TEX11: variants seen among roughly 807,000 people sequenced by gnomAD.
The protein encoded by TEX11 is testis-expressed protein 11.
In TEX11, 7 loss-of-function variants were observed where a neutral mutation model predicts 84.4. That is an observed-to-expected ratio of 0.08 (90% CI 0.05 to 0.16). The LOEUF is 0.16. TEX11 is among the 10% of genes least tolerant of loss of function. TEX11 has a pLI of 1.00. For missense variants in TEX11, 551 were observed against 660.5 expected (o/e 0.83, Z 1.82); for synonymous variants, 264 against 222.8 (o/e 1.18, Z -1.64).
chrX:70,781,823 G>C (rs1409757853), intron 9 of TEX11, among the ~76,000 whole-genome samples: 3 of 111,546 alleles, frequency 2.7e-5, no homozygotes, highest in Non-Finnish European at 1.9e-5. Flanking sequence ...CATGTGAAAA[G>C]ACCAAATCTA....
At chrX:70,521,365 G>A in the TEX11 span, among the ~76,000 whole-genome samples, 5 of 109,571 alleles carry the variant, frequency 4.6e-5, no homozygotes, top group East Asian at 2.9e-4. Context: ...TGCAACTTCC[G>A]TATCCCATGT....
At chrX:70,835,823 C>T (rs765177023) in intron 7 of TEX11, among the ~76,000 whole-genome samples, 1 of 111,830 alleles carries the variant, frequency 8.9e-6, no homozygotes, top group African/African-American at 3.2e-5. Flanking sequence ...ATCAAAACTA[C>T]CATCAGGGCT....
chrX:70,519,540 T>G, the TEX11 span, among the ~76,000 whole-genome samples: 1 of 112,020 alleles, frequency 8.9e-6, no homozygotes, highest in South Asian at 3.8e-4. Flanking sequence ...CTGGCTGCCC[T>G]TAACATTGTT....
rs749450786 is a variant in TEX11 at position 70,569,548 on chromosome X, T to C, written c.2141-14748A>G. 9.0e-5 allele frequency among the ~76,000 whole-genome samples: 10 copies of C among 111,412 alleles called. No individual in the cohort carries two copies. In the East Asian group the frequency reaches 2.2e-3, roughly 25 times the overall value. ...CCATCTTTGTGGTTTTATCTACTTT[T>C]GGTCTTTGATGATGGTGATGTACAG... On this transcript the variant is annotated intron_variant, in intron 25 of 29. Coordinates refer to ENST00000374333, the MANE Select transcript of TEX11 (RefSeq NM_031276.3).
At chrX:70,901,630 T>C (rs1355173354) in intron 2 of TEX11, among the ~76,000 whole-genome samples, 1 of 112,098 alleles carries the variant, frequency 8.9e-6, no homozygotes, top group Non-Finnish European at 1.9e-5. Context: ...CTAATGCCAC[T>C]GGCCACTGAT....
intron 13 of TEX11, among the ~76,000 whole-genome samples, chrX:70,702,878 A>T (rs1224186994): frequency 1.8e-5 from 2 of 111,706 alleles, no homozygotes; most frequent in Non-Finnish European, 3.8e-5. Context: ...AGAAAGGGGA[A>T]GATATTTGCA....
chrX:70,812,351 C>A (rs891892572), intron 8 of TEX11, among the ~76,000 whole-genome samples: 1 of 110,041 alleles, frequency 9.1e-6, no homozygotes, highest in Non-Finnish European at 1.9e-5. Context: ...GGACTACAGG[C>A]GCACCCACCA....
chrX:70,863,455 A>G (rs953654154), intron 4 of TEX11, among the ~76,000 whole-genome samples: 4 of 111,954 alleles, frequency 3.6e-5, no homozygotes, highest in Non-Finnish European at 7.5e-5. Context: ...GACCTCCAGC[A>G]AACTGCAGCA....
chrX:70,766,809 C>T (rs2090943724), intron 9 of TEX11, among the ~76,000 whole-genome samples: 1 of 111,244 alleles, frequency 9.0e-6, no homozygotes, highest in Non-Finnish European at 1.9e-5. Context: ...AATAGAGATC[C>T]CAGAAACAAA....
intron 13 of TEX11, among the ~76,000 whole-genome samples, chrX:70,714,369 T>C (rs1326014886): frequency 1.8e-5 from 2 of 111,372 alleles, no homozygotes; most frequent in Non-Finnish European, 3.8e-5. Flanking sequence ...GTCGTGTTGA[T>C]CTGTCTAATG....
intron 2 of TEX11, among the ~76,000 whole-genome samples, chrX:70,907,297 T>TA (rs1390622254): frequency 8.9e-6 from 1 of 111,932 alleles, no homozygotes; most frequent in East Asian, 2.8e-4. Flanking sequence ...CACTAGTTCA[T>TA]AAAAAGGTTC....
chrX:70,616,740 GGAGGTCATTATGTTAAATGA>G (rs1468188361), intron 20 of TEX11, among the ~76,000 whole-genome samples: 1 of 111,919 alleles, frequency 8.9e-6, no homozygotes, highest in African/African-American at 3.2e-5. Flanking sequence ...GGATGGAACT[GGAGGTCATTATGTTAAATGA>G]AATAAGCCAG....
intron 7 of TEX11, among the ~76,000 whole-genome samples, chrX:70,834,392 C>A (rs1323237957): frequency 9.1e-6 from 1 of 110,476 alleles, no homozygotes; most frequent in East Asian, 2.8e-4. Context: ...TGTCTGAACA[C>A]CCCCAAATGA....
At chrX:70,867,408 TGGATA>T (rs887686292) in intron 4 of TEX11, among the ~76,000 whole-genome samples, 2 of 111,766 alleles carry the variant, frequency 1.8e-5, no homozygotes, top group Non-Finnish European at 3.8e-5. Context: ...TCCATGCTCA[TGGATA>T]GGAAAGATTA....
intron 3 of TEX11, among the ~76,000 whole-genome samples, chrX:70,874,380 T>TCAAATGATG (rs1317986154): frequency 9.8e-6 from 1 of 102,213 alleles, no homozygotes; most frequent in Admixed American, 1.1e-4. Context: ...CCACAGTTGA[T>TCAAATGATG]CAAATGATGA....
chrX:70,891,040 G>A (rs2091735367), intron 2 of TEX11, among the ~76,000 whole-genome samples: 1 of 112,223 alleles, frequency 8.9e-6, no homozygotes. Context: ...TTGCTGTTCT[G>A]CAATACTTGC....
At chrX:70,524,593 G>A (rs183369582), downstream of TEX11, among the ~76,000 whole-genome samples, 16 of 112,718 alleles carry the variant, frequency 1.4e-4, no homozygotes, top group Non-Finnish European at 1.5e-4. Context: ...TTGAGATGGA[G>A]TTTCGCTCGT....
chrX:70,605,439 G>A lies in TEX11; in HGVS notation c.2029C>T (p.Leu677=), dbSNP rs2089185199. The A allele has an allele frequency of 1.7e-6, 2 of 1,209,178 alleles. No homozygotes were observed. The highest frequency in any genetic ancestry group is 3.0e-5 in the East Asian group (1 of 33,747). Residue 677 remains leucine, a synonymous_variant, in exon 24 of 30, where the codon CTA becomes TTA. Transcript: ENST00000374333. The stretch of plus-strand genomic sequence containing the variant: ...GTTGAAGCTTTTCTCCCTTGCTCTA[G>A]ATCAACTGCAACTGCCATAAGTAAA... ...TCLLMAVAVD[L]EQGRKASTAF...
intron 27 of TEX11, among the ~76,000 whole-genome samples, chrX:70,552,453 T>C (rs2088228627): frequency 8.9e-6 from 1 of 111,991 alleles, no homozygotes; most frequent in African/African-American, 3.3e-5. Context: ...TTCATGCCTA[T>C]GGTTGTCTTT....
Sources: gnomAD v4.1 joint callset for allele counts (sites outside exome capture counted in the v4.1 genomes callset) on GRCh38, gnomAD v4.1.1 for gene constraint, MANE v1.5 for transcripts, NCBI Gene and HGNC (gene_info 2026-07-23, HGNC 2026-07-21) for gene names.